The following MRPS33 variants were observed in gnomAD, a reference collection of about 807,000 sequenced individuals.
The protein encoded by MRPS33 is mitochondrial ribosomal protein S33.
In MRPS33, 11 loss-of-function variants were observed where a neutral mutation model predicts 11.2. The ratio of observed to expected loss-of-function variants is 0.99; its 90% CI spans 0.62 to 1.63. The LOEUF is 1.63. MRPS33 is among the 40% of genes most tolerant of loss of function. MRPS33 has a pLI of 0.00. For synonymous variants in MRPS33, 46 were observed against 44.0 expected, an observed-to-expected ratio of 1.05 and a Z score of -0.18; for missense variants, 109 against 127.8, an observed-to-expected ratio of 0.85 and a Z score of 0.71.
chr7:141,011,902 C>T (rs994916779), intron 1 of MRPS33, among the ~76,000 whole-genome samples: 1 of 151,706 alleles, frequency 6.6e-6, no homozygotes, highest in Non-Finnish European at 1.5e-5. Flanking sequence ...AATCCCAGTA[C>T]TTTGAGAGGC....
At position 141,003,018 on chromosome 7, in the gene MRPS33, GA is replaced by G. The variant is rs1820442999; in HGVS notation, c.*3411del. ...CAGTGAAGCATTATGATTTTATAGAGAAGGAAAGAGGTTCAGAGAAGTAACT... is the reference window on the plus strand; with the variant it reads ...CAGTGAAGCATTATGATTTTATAGAGAGGAAAGAGGTTCAGAGAAGTAACT... On this transcript the variant is annotated 3_prime_UTR_variant, in exon 3 of 3. Transcript: ENST00000324787. 2 of 152,220 alleles carry G rather than the reference GA, an allele frequency of 1.3e-5. No homozygotes were observed. Among genetic ancestry groups the G allele is most frequent in the Middle Eastern group, 3.2e-3 (1 of 316 alleles). 9.4% of individuals were successfully genotyped at this position (152,220 alleles called of 1,614,324 possible).
chr7:141,013,767 A>C (rs1820735733), intron 1 of MRPS33, among the ~76,000 whole-genome samples: 1 of 152,252 alleles, frequency 6.6e-6, no homozygotes, highest in African/African-American at 2.4e-5. Context: ...TTAAGCCCAC[A>C]TGAGAAGAAA....
intron 2 of MRPS33, among the ~76,000 whole-genome samples, chr7:141,008,018 T>C: frequency 6.6e-6 from 1 of 152,192 alleles, no homozygotes; most frequent in East Asian, 1.9e-4. Context: ...ACAAGCTAGG[T>C]ACCTGGTTAA....
In MRPS33 at chr7:141,003,480, C is replaced by T. The variant is rs1820453547; in HGVS notation, c.*2950G>A. ...TTAGCTTTCATTTCTGATTTTCAGC[C>T]TGGAGCAGTGGCACACTAATCTACT... is the stretch of plus-strand genomic sequence containing the variant. On this transcript the variant is annotated 3_prime_UTR_variant, in exon 3 of 3. Coordinates refer to ENST00000324787, the MANE Select transcript of MRPS33 (RefSeq NM_053035.3). The T allele has an allele frequency of 6.6e-6, 1 of 152,194 alleles. No individual in the cohort carries two copies. Among genetic ancestry groups the T allele is most frequent in the South Asian group, 2.1e-4 (1 of 4,828 alleles). 9.4% of individuals were successfully genotyped at this position (152,194 alleles called of 1,614,324 possible).
rs1301751215 is a variant in MRPS33, at chr7:141,004,664, GTTT to G, written c.*1763_*1765del. 4 of 152,144 alleles carry G rather than the reference GTTT, an allele frequency of 2.6e-5. No homozygotes were observed. Among genetic ancestry groups the G allele is most frequent in the Middle Eastern group, 3.4e-3 (1 of 294 alleles). The allele number at this position is 152,144 out of a possible 1,614,324, so 9.4% of individuals were successfully genotyped here. ...ATATGGTTAAGATCATTAATTTTATGTTTTTACTACAATAATAAAAAGTTATTA... is the reference window on the plus strand; with the variant it reads ...ATATGGTTAAGATCATTAATTTTATGTTACTACAATAATAAAAAGTTATTA... On this transcript the variant is annotated 3_prime_UTR_variant, in exon 3 of 3. Transcript: ENST00000324787.
rs192422805 is a variant in MRPS33 at position 141,009,920 on chromosome 7, T to C, written c.215+499A>G. 2.5e-3 allele frequency: 378 copies of C among 153,224 alleles called. 3 individuals are homozygous for C. Among genetic ancestry groups the C allele is most frequent in the African/African-American group, 7.6e-3 (316 of 41,452 alleles). The allele number at this position is 153,224 out of a possible 1,614,324, so 9.5% of individuals were successfully genotyped here. On this transcript the variant is annotated intron_variant, in intron 2 of 2. Coordinates refer to ENST00000324787, the MANE Select transcript of MRPS33 (RefSeq NM_053035.3). ...CCAGATTCAAGCAATTCTCCTGCCTTAGCCTCCCGAGTAGCTGGGACTACA... is the reference window on the plus strand; with the variant it reads ...CCAGATTCAAGCAATTCTCCTGCCTCAGCCTCCCGAGTAGCTGGGACTACA...
In MRPS33 at chr7:141,005,671, A is replaced by G. The variant is rs1820507944; in HGVS notation, c.*759T>C. On this transcript the variant is annotated 3_prime_UTR_variant, in exon 3 of 3. Transcript: ENST00000324787. ...GGCTTAAATATCATTTCTTTAGGGA[A>G]GCTTTCTTTAAACTCCCTAATGTGA... 6.6e-6 allele frequency: 1 copy of G among 152,162 alleles called. No individual in the cohort carries two copies. The highest frequency in any genetic ancestry group is 1.5e-5 in the Non-Finnish European group (1 of 68,046). 9.4% of individuals were successfully genotyped at this position (152,162 alleles called of 1,614,324 possible).
At chr7:141,007,069 CAG>C (rs1159091850) in intron 2 of MRPS33, among the ~76,000 whole-genome samples, 6 of 152,102 alleles carry the variant, frequency 3.9e-5, no homozygotes, top group Non-Finnish European at 8.8e-5. Flanking sequence ...AATCAAAAGA[CAG>C]ATACTAAAGG....
chr7:141,012,195 G>C (rs1344024029), intron 1 of MRPS33, among the ~76,000 whole-genome samples: 1 of 24,378 alleles, frequency 4.1e-5, no homozygotes, highest in Admixed American at 3.9e-4. Context: ...AAAAAAAAAA[G>C]CAGAGGCTGA....
chr7:141,012,168 T>G, intron 1 of MRPS33, among the ~76,000 whole-genome samples: 2 of 6,860 alleles, frequency 2.9e-4, no homozygotes, highest in African/African-American at 5.5e-4. Flanking sequence ...AGCAAGATTG[T>G]GTGTCAAAAA....
In MRPS33 at chr7:141,011,899, G is replaced by C. The variant is rs371396410; in HGVS notation, c.-27-1239C>G. Among the ~76,000 whole-genome samples the C allele has an allele frequency of 1.5e-4, 23 of 152,046 alleles. No homozygotes were observed. The South Asian group carries it at 2.1e-3, about 14-fold the overall frequency. The stretch of plus-strand genomic sequence containing the variant: ...ATGGTAGCTCATGCCTATAATCCCA[G>C]TACTTTGAGAGGCTGAGGTGGGAGG... On this transcript the variant is annotated intron_variant, in intron 1 of 2. Transcript: ENST00000324787.
chr7:141,009,434 ATCT>A (rs1178276341), intron 2 of MRPS33, among the ~76,000 whole-genome samples: 4 of 41,824 alleles, frequency 9.6e-5, no homozygotes, highest in Admixed American at 3.7e-4. Context: ...GCCTGGCCTG[ATCT>A]TTTTTTTTTT....
intron 1 of MRPS33, among the ~76,000 whole-genome samples, chr7:141,011,177 A>C (rs185430257): frequency 4.6e-5 from 7 of 152,322 alleles, no homozygotes; most frequent in Admixed American, 4.6e-4. Flanking sequence ...AGAGCTGCTA[A>C]TGAGTTATGA....
chr7:141,010,420 T>G lies in MRPS33; in HGVS notation c.214A>C (p.Arg72=). The G allele has an allele frequency of 1.2e-6, 2 of 1,614,160 alleles. No homozygotes were observed. Among genetic ancestry groups the G allele is most frequent in the Non-Finnish European group, 1.7e-6 (2 of 1,180,010 alleles). Residue 72 remains arginine (R), a splice_region_variant and synonymous_variant, in exon 2 of 3, where the codon AGA becomes CGA. Coordinates refer to ENST00000324787, the MANE Select transcript of MRPS33 (RefSeq NM_053035.3). ...GTCCCTCTTTGTGTTTGTCATCACC[T>G]GTAGAGTCCAAGAAATCGGAGCGTC... ...MQTLRFLGLY[R]DEHQDFMDEQ... is the part of the protein sequence containing the mutation.
In MRPS33 at chr7:141,006,069, C is replaced by A; in HGVS notation, c.*361G>T. On this transcript the variant is annotated 3_prime_UTR_variant, in exon 3 of 3. Coordinates refer to ENST00000324787, the MANE Select transcript of MRPS33 (RefSeq NM_053035.3). Reference sequence around the variant, plus strand: ...GTTTAGGGCTGGGTGAGTCAGTAAGCAAGAAGGGAGAAATGAGGACACTAT... The same window carrying A: ...GTTTAGGGCTGGGTGAGTCAGTAAGAAAGAAGGGAGAAATGAGGACACTAT... The A allele has an allele frequency of 5.3e-6, 1 of 187,976 alleles. No individual in the cohort carries two copies. The highest frequency in any genetic ancestry group is 1.3e-4 in the South Asian group (1 of 7,568). 11.6% of individuals were successfully genotyped at this position (187,976 alleles called of 1,614,324 possible).
intron 1 of MRPS33, among the ~76,000 whole-genome samples, chr7:141,011,813 G>A (rs1320159883): frequency 6.6e-6 from 1 of 151,962 alleles, no homozygotes; most frequent in African/African-American, 2.4e-5. Flanking sequence ...AAAACAAACC[G>A]TGTTTAAATT....
chr7:141,006,603 C>T (rs142982169), intron 2 of MRPS33, 68 bp from the exon 3 acceptor site: 101 of 1,251,372 alleles, frequency 8.1e-5, no homozygotes, highest in African/African-American at 1.9e-4. Flanking sequence ...TAATCTAGCA[C>T]GCACTGCTCT....
At chr7:141,010,748 A>G in intron 1 of MRPS33, 88 bp from the exon 2 acceptor site, 1 of 969,192 alleles carries the variant, frequency 1.0e-6, no homozygotes, top group Non-Finnish European at 1.6e-6. Context: ...CAAACACAGC[A>G]AGCCACTCAT....
rs1048043783 is a variant in MRPS33 at position 141,002,938 on chromosome 7, T to C, written c.*3492A>G. The C allele has an allele frequency of 6.6e-6, 1 of 152,240 alleles. No individual in the cohort carries two copies. The highest frequency in any genetic ancestry group is 1.5e-5 in the Non-Finnish European group (1 of 68,086). The allele number at this position is 152,240 out of a possible 1,614,324, so 9.4% of individuals were successfully genotyped here. On this transcript the variant is annotated 3_prime_UTR_variant, in exon 3 of 3. Coordinates refer to ENST00000324787, the MANE Select transcript of MRPS33 (RefSeq NM_053035.3). ...ACATAATGTGCTATATGTAAAAGTT[T>C]TTAACTTTTTATAATTTACAGAGTT...
Sources: allele counts gnomAD v4.1 joint callset (sites outside exome capture counted in the v4.1 genomes callset), GRCh38; gene constraint gnomAD v4.1.1; transcripts MANE v1.5; gene names NCBI Gene and HGNC (gene_info 2026-07-23, HGNC 2026-07-21).